Variants in RAPGEF5 observed in about 807,000 individuals in gnomAD.
RAPGEF5 encodes the protein Rap guanine nucleotide exchange factor 5, also known as M-Ras-regulated GEF.
In RAPGEF5, 65 loss-of-function variants were observed where a neutral mutation model predicts 125.2. The ratio of observed to expected loss-of-function variants is 0.52; its 90% CI spans 0.43 to 0.64. RAPGEF5 has a LOEUF of 0.64. RAPGEF5 is among the 30% of genes least tolerant of loss of function. The pLI, the probability that RAPGEF5 is intolerant of heterozygous loss-of-function variation, is 0.00. For missense variants in RAPGEF5, 958 were observed against 1,048.1 expected (o/e 0.91, Z 1.19); for synonymous variants, 391 against 385.9 (o/e 1.01, Z -0.16).
chr7:22,315,773 T>G (rs1346450400), intron 2 of RAPGEF5, among the ~76,000 whole-genome samples: 1 of 151,838 alleles, frequency 6.6e-6, no homozygotes, highest in Non-Finnish European at 1.5e-5. Context: ...TTACACAAAG[T>G]TTTCAGTGTA....
chr7:22,255,646 T>C (rs1364331007), intron 7 of RAPGEF5, among the ~76,000 whole-genome samples: 1 of 152,126 alleles, frequency 6.6e-6, no homozygotes, highest in East Asian at 1.9e-4. Context: ...TTATACACTT[T>C]GATATATCAT....
At chr7:22,308,630 A>G (rs971401346) in intron 4 of RAPGEF5, 123 bp from the exon 5 acceptor site, 2 of 788,418 alleles carry the variant, frequency 2.5e-6, no homozygotes, top group Non-Finnish European at 3.8e-6. Flanking sequence ...CTATAATTAT[A>G]CATTCTAAGC....
intron 11 of RAPGEF5, among the ~76,000 whole-genome samples, chr7:22,182,134 T>C (rs2128121864): frequency 6.6e-6 from 1 of 152,312 alleles, no homozygotes; most frequent in East Asian, 1.9e-4. Flanking sequence ...TGTTCCCCCA[T>C]TTTCTGATAG....
At chr7:22,139,726 C>T (rs904281028) in intron 21 of RAPGEF5, 15 of 248,732 alleles carry the variant, frequency 6.0e-5, no homozygotes, top group East Asian at 5.8e-4. Flanking sequence ...TCACAGCAAA[C>T]GCACTTCTGA....
chr7:22,194,056 T>G, intron 9 of RAPGEF5, 23 bp from the exon 10 acceptor site: 1 of 1,579,660 alleles, frequency 6.3e-7, no homozygotes, highest in African/African-American at 1.4e-5. Flanking sequence ...ACAGGGATGA[T>G]GGATGAGAGA....
chr7:22,240,440 C>T (rs1291690301), intron 7 of RAPGEF5, among the ~76,000 whole-genome samples: 2 of 151,814 alleles, frequency 1.3e-5, no homozygotes, highest in Non-Finnish European at 2.9e-5. Context: ...GGCGCCATCT[C>T]GGCTCACTGT....
chr7:22,122,608 G>A (rs140580286), intron 25 of RAPGEF5, 87 bp from the exon 26 acceptor site: 2 of 929,028 alleles, frequency 2.2e-6, no homozygotes, highest in Non-Finnish European at 3.4e-6. Flanking sequence ...CTAAGGCTGA[G>A]TAAATGTACT....
At chr7:22,356,071 A>T (rs962384280) in intron 1 of RAPGEF5, 1 of 985,260 alleles carries the variant, frequency 1.0e-6, no homozygotes, top group Non-Finnish European at 1.2e-6. Flanking sequence ...TGGCTTCTTA[A>T]AGATCCCAGG....
chr7:22,266,379 T>C (rs192383462), intron 7 of RAPGEF5, among the ~76,000 whole-genome samples: 1 of 152,208 alleles, frequency 6.6e-6, no homozygotes, highest in African/African-American at 2.4e-5. Flanking sequence ...TATTGAATTC[T>C]AACAGATTAT....
At chr7:22,192,762 T>C (rs1038753419) in intron 11 of RAPGEF5, 1 of 152,564 alleles carries the variant, frequency 6.6e-6, no homozygotes, top group African/African-American at 2.4e-5. Context: ...TGTTTTACTC[T>C]CAGATTAAAT....
intron 11 of RAPGEF5, among the ~76,000 whole-genome samples, chr7:22,185,859 AT>A (rs368164128): frequency 1.0e-3 from 150 of 145,722 alleles, no homozygotes; most frequent in East Asian, 1.2e-3. Context: ...AATTAATCTA[AT>A]TTTTTTTTTT....
chr7:22,330,259 G>C (rs1783890337), intron 1 of RAPGEF5, among the ~76,000 whole-genome samples: 1 of 152,220 alleles, frequency 6.6e-6, no homozygotes, highest in Admixed American at 6.5e-5. Context: ...GAGAAAGCAG[G>C]ACAAGGCTGG....
intron 9 of RAPGEF5, among the ~76,000 whole-genome samples, chr7:22,212,780 C>A (rs1481897026): frequency 6.6e-6 from 1 of 152,074 alleles, no homozygotes; most frequent in Admixed American, 6.5e-5. Context: ...CAGATCAGGC[C>A]TTGATGGGGG....
In RAPGEF5 at chr7:22,157,866, G is replaced by A. The variant is rs533451976; in HGVS notation, c.1546C>T (p.Pro516Ser). The A allele has an allele frequency of 1.7e-4, 266 of 1,611,590 alleles. No individual in the cohort carries two copies. Among genetic ancestry groups the A allele is most frequent in the South Asian group, 9.2e-4 (84 of 90,846 alleles). The change falls in exon 15 of 26, where the codon CCA becomes TCA. Residue 516 changes from proline to serine, a missense_variant. Transcript: ENST00000665637. ...AAGCATCTGCTTACCTTTTTTTGTG[G>A]TGAATATTCATCTACAGTGCTGAAA... ...HRRHTVDEYS[P>S]QKKNKALFHQ...
intron 24 of RAPGEF5, among the ~76,000 whole-genome samples, chr7:22,126,059 A>T (rs1782734324): frequency 6.6e-6 from 1 of 152,170 alleles, no homozygotes; most frequent in South Asian, 2.1e-4. Flanking sequence ...CTGAGACAGG[A>T]GAATCGCTTG....
intron 9 of RAPGEF5, among the ~76,000 whole-genome samples, chr7:22,217,960 T>A (rs1038226491): frequency 2.0e-5 from 3 of 152,112 alleles, no homozygotes; most frequent in Non-Finnish European, 2.9e-5. Context: ...AGCCCCAATG[T>A]AGATTTCTTT....
At chr7:22,329,654 T>C (rs1202046242) in intron 1 of RAPGEF5, among the ~76,000 whole-genome samples, 2 of 152,200 alleles carry the variant, frequency 1.3e-5, no homozygotes, top group Non-Finnish European at 2.9e-5. Context: ...ACCAAAGCGC[T>C]AACAGAATGG....
intron 9 of RAPGEF5, among the ~76,000 whole-genome samples, chr7:22,214,014 A>G (rs1482123919): frequency 6.6e-6 from 1 of 152,222 alleles, no homozygotes; most frequent in Non-Finnish European, 1.5e-5. Context: ...GTAGAGACCA[A>G]CTTTTAATAT....
chr7:22,154,711 G>T, intron 16 of RAPGEF5, 107 bp from the exon 17 acceptor site: 3 of 1,258,988 alleles, frequency 2.4e-6, no homozygotes, highest in Non-Finnish European at 1.1e-6. Context: ...AACCCACCTG[G>T]CTATTCTCTT....
Sources: allele counts gnomAD v4.1 joint callset (sites outside exome capture counted in the v4.1 genomes callset), GRCh38; gene constraint gnomAD v4.1.1; transcripts MANE v1.5; gene names NCBI Gene and HGNC (gene_info 2026-07-23, HGNC 2026-07-21).